The following GNB1L variants were observed in gnomAD, a reference collection of about 807,000 sequenced individuals.
GNB1L encodes G protein subunit beta 1 like, also known as guanine nucleotide-binding protein subunit beta-like protein 1.
In GNB1L, 20 loss-of-function variants were observed where a neutral mutation model predicts 29.1. The observed-to-expected ratio is 0.69, with a 90% CI of 0.48 to 1.00. The LOEUF (loss-of-function observed/expected upper bound fraction) is 1.00, where lower values mean the gene tolerates loss of function less well. Ranked by LOEUF, GNB1L falls within the 50% of genes least tolerant of loss-of-function variation. The pLI, the probability that GNB1L is intolerant of heterozygous loss-of-function variation, is 0.00. For missense variants in GNB1L, 421 were observed against 464.9 expected (o/e 0.91, Z 0.87); for synonymous variants, 193 against 206.5 (o/e 0.93, Z 0.56).
At chr22:19,798,109 C>T (rs1378429194) in intron 7 of GNB1L, among the ~76,000 whole-genome samples, 2 of 151,902 alleles carry the variant, frequency 1.3e-5, no homozygotes, top group East Asian at 3.9e-4. Context: ...CCAGCCCCTA[C>T]CTCCCCACTT....
chr22:19,848,624 G>T (rs984017684), intron 2 of GNB1L: 1 of 985,332 alleles, frequency 1.0e-6, no homozygotes, highest in Non-Finnish European at 1.2e-6. Context: ...TAAACAGGAC[G>T]CGTTTTAATT....
At position 19,792,212 on chromosome 22, in the gene GNB1L, GT is replaced by G. The variant is rs1479497521; in HGVS notation, c.733-3253del. ...AAACTGACCCCAAAATGGCAGAGATGTTGAACATATCAGATAAAGACTTTAA... is the reference window on the plus strand; with the variant it reads ...AAACTGACCCCAAAATGGCAGAGATGTGAACATATCAGATAAAGACTTTAA... On this transcript the variant is annotated intron_variant, in intron 7 of 7. Transcript: ENST00000329517. The G allele has an allele frequency of 6.6e-6, 4 of 601,786 alleles. No homozygotes were observed. The East Asian group carries it at 1.1e-4, about 17-fold the overall frequency. The allele number at this position is 601,786 out of a possible 1,614,324, so 37.3% of individuals were successfully genotyped here.
chr22:19,836,379 A>T (rs913317408), intron 2 of GNB1L, among the ~76,000 whole-genome samples: 3 of 123,970 alleles, frequency 2.4e-5, no homozygotes, highest in African/African-American at 9.9e-5. Flanking sequence ...TCACATTTTT[A>T]GTTTAAATCC....
intron 2 of GNB1L, among the ~76,000 whole-genome samples, chr22:19,853,308 C>T (rs1307766508): frequency 6.6e-6 from 1 of 152,152 alleles, no homozygotes; most frequent in East Asian, 1.9e-4. Flanking sequence ...TCTGGGGAGT[C>T]CCAGTCTGAT....
At chr22:19,820,234 C>T (rs936795176) in intron 4 of GNB1L, among the ~76,000 whole-genome samples, 8 of 152,178 alleles carry the variant, frequency 5.3e-5, no homozygotes, top group South Asian at 4.1e-4. Flanking sequence ...AATGCCCTCA[C>T]CCCTGCCCAG....
chr22:19,795,424 A>G (rs1937295357), intron 7 of GNB1L, among the ~76,000 whole-genome samples: 2 of 152,206 alleles, frequency 1.3e-5, no homozygotes, highest in African/African-American at 4.8e-5. Flanking sequence ...GGTCAGGCTG[A>G]CGGAAGGCTC....
intron 2 of GNB1L, among the ~76,000 whole-genome samples, chr22:19,821,697 C>G (rs545711093): frequency 6.6e-6 from 1 of 152,340 alleles, no homozygotes; most frequent in Non-Finnish European, 1.5e-5. Flanking sequence ...CTGGTGCACC[C>G]GCTTGGGCCC....
chr22:19,818,636 C>A (rs962238435), intron 4 of GNB1L, among the ~76,000 whole-genome samples: 3 of 152,206 alleles, frequency 2.0e-5, no homozygotes, highest in Non-Finnish European at 2.9e-5. Context: ...GCCTCATTCT[C>A]CAGGGACTAT....
intron 2 of GNB1L, chr22:19,851,798 G>A (rs767567633): frequency 1.9e-6 from 3 of 1,613,992 alleles, no homozygotes; most frequent in East Asian, 4.5e-5. Context: ...AAGGTAGGGG[G>A]CTGCCCAGGC....
chr22:19,794,699 C>T (rs1937287057), intron 7 of GNB1L, among the ~76,000 whole-genome samples: 4 of 152,182 alleles, frequency 2.6e-5, no homozygotes, highest in Admixed American at 1.3e-4. Flanking sequence ...CAGAAAGCAT[C>T]ACAAAGCAAG....
intron 2 of GNB1L, chr22:19,851,801 G>C (rs1490136702): frequency 6.2e-7 from 1 of 1,614,054 alleles, no homozygotes; most frequent in Non-Finnish European, 8.5e-7. Flanking sequence ...GTAGGGGGCT[G>C]CCCAGGCCTG....
At chr22:19,824,834 C>A (rs760585478) in intron 2 of GNB1L, among the ~76,000 whole-genome samples, 6 of 152,206 alleles carry the variant, frequency 3.9e-5, no homozygotes, top group African/African-American at 1.4e-4. Context: ...AGCAGGGCTG[C>A]GGCAGTGGCT....
rs529063020 is a variant in GNB1L, at chr22:19,795,978, G to A, written c.732+6023C>T. Among the ~76,000 whole-genome samples, 221 of 151,812 alleles carry A rather than the reference G, an allele frequency of 1.5e-3. 3 individuals carry two copies. The highest frequency in any genetic ancestry group is 5.2e-3 in the African/African-American group (215 of 41,090). On this transcript the variant is annotated intron_variant, in intron 7 of 7. Coordinates refer to ENST00000329517, the MANE Select transcript of GNB1L (RefSeq NM_053004.3). Reference sequence around the variant, plus strand: ...AACACCCAGGGCAACGCTCACACACGACATGCAATCATCGATGTGAGAACT... The same window carrying A: ...AACACCCAGGGCAACGCTCACACACAACATGCAATCATCGATGTGAGAACT...
At chr22:19,835,793 C>A (rs1045317400) in intron 2 of GNB1L, among the ~76,000 whole-genome samples, 1 of 152,056 alleles carries the variant, frequency 6.6e-6, no homozygotes, top group Non-Finnish European at 1.5e-5. Context: ...GGAAATTAAA[C>A]AACACTGTTT....
intron 2 of GNB1L, chr22:19,851,502 GA>G: frequency 1.9e-6 from 3 of 1,614,176 alleles, no homozygotes; most frequent in Non-Finnish European, 2.5e-6. Context: ...TGCTCGAACA[GA>G]GCACTTCTAG....
chr22:19,809,092 C>T (rs1259338183), intron 5 of GNB1L, among the ~76,000 whole-genome samples: 1 of 151,978 alleles, frequency 6.6e-6, no homozygotes, highest in Non-Finnish European at 1.5e-5. Flanking sequence ...CTCCTGCCTT[C>T]GCACCCAAAT....
At chr22:19,801,473 G>A (rs1011245016) in intron 7 of GNB1L, among the ~76,000 whole-genome samples, 7 of 152,172 alleles carry the variant, frequency 4.6e-5, no homozygotes, top group South Asian at 2.1e-4. Flanking sequence ...GGTGCCCCTC[G>A]AGCCATGCCA....
chr22:19,853,978 T>C (rs35169076), intron 2 of GNB1L, among the ~76,000 whole-genome samples: 41,499 of 152,014 alleles, frequency 0.27, 9,342 homozygotes, highest in African/African-American at 0.62. Flanking sequence ...CCCAGTCCCC[T>C]ACCCTGCCCA....
chr22:19,825,228 A>G (rs1937610924), intron 2 of GNB1L, among the ~76,000 whole-genome samples: 1 of 152,232 alleles, frequency 6.6e-6, no homozygotes, highest in Non-Finnish European at 1.5e-5. Context: ...GCTCCAGCCC[A>G]TAATCAGCAA....
Sources: allele counts gnomAD v4.1 joint callset (sites outside exome capture counted in the v4.1 genomes callset), GRCh38; gene constraint gnomAD v4.1.1; transcripts MANE v1.5; gene names NCBI Gene and HGNC (gene_info 2026-07-23, HGNC 2026-07-21).